The following C11orf65 variants were observed in gnomAD, a reference collection of about 807,000 sequenced individuals.
The protein encoded by C11orf65 is protein MFI.
In C11orf65, 38 loss-of-function variants were observed where a neutral mutation model predicts 35.3. That is an observed-to-expected ratio of 1.08 (90% confidence interval 0.83 to 1.41). The LOEUF is 1.41. Among genes scored for constraint, C11orf65 ranks in the 40% most tolerant of loss-of-function variants. The pLI, the probability that C11orf65 is intolerant of heterozygous loss-of-function variation, is 0.00. For missense variants in C11orf65, 370 were observed against 367.1 expected, an observed-to-expected ratio of 1.01 and a Z score of -0.06; for synonymous variants, 105 against 114.4, an observed-to-expected ratio of 0.92 and a Z score of 0.53.
intron 3 of C11orf65, among the ~76,000 whole-genome samples, chr11:108,419,818 T>C (rs1446600955): frequency 1.3e-4 from 20 of 152,240 alleles, no homozygotes; most frequent in Admixed American, 1.3e-3. Context: ...TCATACTTAA[T>C]GATGAAATAT....
chr11:108,353,224 A>G (rs932852381), intron 2 of C11orf65, among the ~76,000 whole-genome samples: 1 of 151,708 alleles, frequency 6.6e-6, no homozygotes, highest in Non-Finnish European at 1.5e-5. Context: ...TCTCAGCTCC[A>G]TGTATCCTTC....
chr11:108,349,643 G>A (rs1210904507), intron 2 of C11orf65, among the ~76,000 whole-genome samples: 1 of 152,002 alleles, frequency 6.6e-6, no homozygotes, highest in African/African-American at 2.4e-5. Context: ...AGCCTGGGCG[G>A]CAGAGCAAGA....
At chr11:108,468,825 C>T (rs551269866), upstream of C11orf65, among the ~76,000 whole-genome samples, 1 of 152,040 alleles carries the variant, frequency 6.6e-6, no homozygotes, top group East Asian at 1.9e-4. Context: ...AAATTCAGGC[C>T]AGGTGTGGTG....
chr11:108,433,022 A>G lies in C11orf65; in HGVS notation c.82-1184T>C, dbSNP rs572757684. On this transcript the variant is annotated intron_variant, in intron 2 of 8. Transcript: ENST00000393084. The stretch of plus-strand genomic sequence containing the variant: ...TGTGGCCTTAGTCAGCTGCCAGATC[A>G]GCTGGAGTTGAGTGATTTAATATGG... 2.2e-4 allele frequency among the ~76,000 whole-genome samples: 33 copies of G among 152,144 alleles called. No homozygotes were observed. The South Asian group carries it at 6.8e-3, about 32-fold the overall frequency.
intron 6 of C11orf65, chr11:108,309,180 A>C: frequency 1.7e-6 from 1 of 587,354 alleles, no homozygotes; most frequent in South Asian, 2.3e-5. Flanking sequence ...TGTTGGGCAA[A>C]AACAAAGAAC....
intron 2 of C11orf65, among the ~76,000 whole-genome samples, chr11:108,344,001 A>C (rs1000228433): frequency 1.3e-5 from 2 of 152,188 alleles, no homozygotes; most frequent in African/African-American, 4.8e-5. Context: ...TAATCATCAT[A>C]ATCCTTATCC....
chr11:108,452,948 A>G (rs559261372), intron 2 of C11orf65, among the ~76,000 whole-genome samples: 2 of 143,710 alleles, frequency 1.4e-5, no homozygotes, highest in South Asian at 4.5e-4. Flanking sequence ...GGAATTAAAC[A>G]ATGAGAACAC....
intron 3 of C11orf65, among the ~76,000 whole-genome samples, chr11:108,430,220 C>T (rs1399225696): frequency 1.3e-5 from 2 of 150,750 alleles, no homozygotes; most frequent in African/African-American, 4.9e-5. Flanking sequence ...GCTCCGCCTC[C>T]CACGTTCATG....
intron 2 of C11orf65, chr11:108,365,465 A>C: frequency 6.2e-7 from 1 of 1,614,194 alleles, no homozygotes; most frequent in Non-Finnish European, 8.5e-7. Context: ...ATAGACCCCA[A>C]AAATCTCAGC....
At chr11:108,382,662 C>T, downstream of C11orf65, 1 of 508,408 alleles carries the variant, frequency 2.0e-6, no homozygotes, top group Non-Finnish European at 2.5e-6. Context: ...GCAAGGCACA[C>T]TAGGATATGG....
chr11:108,438,388 C>CTAAAAATTTTTG (rs2093098204), intron 2 of C11orf65, among the ~76,000 whole-genome samples: 1 of 151,366 alleles, frequency 6.6e-6, no homozygotes, highest in South Asian at 2.1e-4. Context: ...CCTGTCTCCA[C>CTAAAAATTTTTG]TAAAAATACA....
chr11:108,412,642 G>A lies in C11orf65; in HGVS notation c.175-5493C>T, dbSNP rs149430709. Among the ~76,000 whole-genome samples, 762 of 152,184 alleles carry A rather than the reference G, an allele frequency of 5.0e-3. 9 individuals are homozygous for A. The highest frequency in any genetic ancestry group is 0.017 in the African/African-American group (710 of 41,516). ...TCCCAGCTACTTCAGAGGCTGGGGC[G>A]GGAGGATCACTTGAGCCTGGCAGGT... On this transcript the variant is annotated intron_variant, in intron 3 of 8. Transcript: ENST00000393084.
At chr11:108,469,111 C>G (rs1198807141), upstream of C11orf65, among the ~76,000 whole-genome samples, 4 of 151,796 alleles carry the variant, frequency 2.6e-5, no homozygotes, top group East Asian at 7.8e-4. Context: ...ACTCAGGAAG[C>G]TGAGGCAGGA....
chr11:108,380,415 G>A (rs1428151271), downstream of C11orf65, among the ~76,000 whole-genome samples: 1 of 152,212 alleles, frequency 6.6e-6, no homozygotes, highest in Non-Finnish European at 1.5e-5. Context: ...CAGAGACAAG[G>A]AAATCTGGGA....
intron 2 of C11orf65, among the ~76,000 whole-genome samples, chr11:108,443,299 A>C (rs937278791): frequency 6.6e-6 from 1 of 152,200 alleles, no homozygotes; most frequent in Non-Finnish European, 1.5e-5. Flanking sequence ...TATGCACCCA[A>C]TACAGGAGCA....
chr11:108,315,389 A>T (rs2084533818), intron 6 of C11orf65, among the ~76,000 whole-genome samples: 1 of 152,168 alleles, frequency 6.6e-6, no homozygotes, highest in Non-Finnish European at 1.5e-5. Context: ...ATAAATTTTA[A>T]CTCTTTGTAA....
At chr11:108,330,265 T>G (rs786201541), downstream of C11orf65, 32 of 1,614,090 alleles carry the variant, frequency 2.0e-5, no homozygotes, top group Non-Finnish European at 2.7e-5. Context: ...TAGCCCTGCG[T>G]GCACTGAAAG....
In C11orf65 at chr11:108,353,766, G is replaced by A. The variant is rs748192003; in HGVS notation, c.227-18474C>T. On this transcript the variant is annotated intron_variant, in intron 2 of 3. Transcript: ENST00000524755. ...AACTTCACTGTATTCTTTACTTTAG[G>A]TGTTGCTTTTGAACAGGGCAAAATC... 8 of 1,599,482 alleles carry A rather than the reference G, an allele frequency of 5.0e-6. No homozygotes were observed. Among genetic ancestry groups the A allele is most frequent in the East Asian group, 2.2e-5 (1 of 44,824 alleles).
At chr11:108,328,935 T>G (rs527558644), downstream of C11orf65, 1 of 1,353,904 alleles carries the variant, frequency 7.4e-7, no homozygotes, top group African/African-American at 1.5e-5. Flanking sequence ...TAAGTTAAAT[T>G]TTAGTGTATT....
Sources: gnomAD v4.1 joint callset for allele counts (sites outside exome capture counted in the v4.1 genomes callset) on GRCh38, gnomAD v4.1.1 for gene constraint, MANE v1.5 for transcripts, NCBI Gene and HGNC (gene_info 2026-07-23, HGNC 2026-07-21) for gene names.